The following HJV variants were observed in gnomAD, a reference collection of about 807,000 sequenced individuals.
HJV encodes hemojuvelin BMP co-receptor.
HJV carries 18 observed loss-of-function variants against 22.7 expected under a neutral mutation model. The observed-to-expected ratio is 0.79, with a 90% CI of 0.55 to 1.18. HJV has a LOEUF of 1.18. Among genes scored for constraint, HJV ranks in the 50% most tolerant of loss-of-function variants. The pLI, the probability that HJV is intolerant of heterozygous loss-of-function variation, is 0.00. For synonymous variants in HJV, 229 were observed against 222.7 expected, an observed-to-expected ratio of 1.03 and a Z score of -0.25; for missense variants, 572 against 553.0, an observed-to-expected ratio of 1.03 and a Z score of -0.34.
rs781810301 is a variant in HJV at position 146,018,487 on chromosome 1, C to A, written c.871G>T (p.Ala291Ser). Reference sequence around the variant, plus strand: ...TTGATGGAGAAGGAGAGCTGCCCAGCTGTCTGCCGAATGATTATAGTTGTG... The same window carrying A: ...TTGATGGAGAAGGAGAGCTGCCCAGATGTCTGCCGAATGATTATAGTTGTG... ...IGTTIIIRQT[A>S]GQLSFSIKVA... The change falls in exon 4 of 4, where the codon GCT becomes TCT. Residue 291 changes from alanine to serine, a missense_variant. Physicochemically the swap from Ala to Ser is moderately conservative, Grantham distance 99 (BLOSUM62 1). Transcript: ENST00000336751. 1.2e-6 allele frequency: 2 copies of A among 1,614,214 alleles called. No individual in the cohort carries two copies. Among genetic ancestry groups the A allele is most frequent in the Non-Finnish European group, 1.7e-6 (2 of 1,180,042 alleles).
At position 146,019,461 on chromosome 1, in the gene HJV, G is replaced by A. The variant is rs201013855; in HGVS notation, c.371C>T (p.Pro124Leu). 15 of 1,612,722 alleles carry A rather than the reference G, an allele frequency of 9.3e-6. No individual in the cohort carries two copies. The Admixed American group carries it at 1.2e-4, about 13-fold the overall frequency. ...MIQHNCSRQG[P>L]TAPPPPRGPA... ...GCCCCGGGGCGGGGGAGGGGCTGTA[G>A]GGCCCTGGCGGGAGCAGTTGTGCTG... The change falls in exon 3 of 4, where the codon CCT (proline) becomes CTT (leucine). Residue 124 changes from proline to leucine, a missense_variant. Transcript: ENST00000336751.
In HJV at chr1:146,018,222, G is replaced by T. The variant is rs782737856; in HGVS notation, c.1136C>A (p.Ala379Glu). Residue 379 changes from alanine (A) to glutamate (E), a missense_variant, in exon 4 of 4, where the codon GCA (alanine) becomes GAA (glutamate). Ala to Glu is a moderately radical substitution (Grantham distance 107). Transcript: ENST00000336751. Reference protein sequence around the residue: ...GDPNFTVAAQAALEDARAFLP... With the variant: ...GDPNFTVAAQEALEDARAFLP... Reference sequence around the variant, plus strand: ...GAAGGCTCGGGCATCCTCCAGTGCTGCCTGAGCTGCCACGGTAAAGTTGGG... The same window carrying T: ...GAAGGCTCGGGCATCCTCCAGTGCTTCCTGAGCTGCCACGGTAAAGTTGGG... 1 of 1,614,232 alleles carries T rather than the reference G, an allele frequency of 6.2e-7. No homozygotes were observed. Among genetic ancestry groups the T allele is most frequent in the Admixed American group, 1.7e-5 (1 of 60,026 alleles).
At position 146,020,270 on chromosome 1, in the gene HJV, A is replaced by G. The variant is rs782524154; in HGVS notation, c.-39T>C. ...GGTTTCCCAGGCGCCGGTTCTTCCCAGCTGATGACCCTCCTACCTAGTGAA... is the reference window on the plus strand; with the variant it reads ...GGTTTCCCAGGCGCCGGTTCTTCCCGGCTGATGACCCTCCTACCTAGTGAA... On this transcript the variant is annotated 5_prime_UTR_variant, in exon 2 of 4. Transcript: ENST00000336751. 25 of 1,300,754 alleles carry G rather than the reference A, an allele frequency of 1.9e-5. No homozygotes were observed. The South Asian group carries it at 3.0e-4, about 15-fold the overall frequency. 80.6% of individuals were successfully genotyped at this position (1,300,754 alleles called of 1,614,324 possible). A position where few individuals can be genotyped will look rare whatever the true frequency, so the allele number is the denominator to read the frequency against.
At position 146,018,425 on chromosome 1, in the gene HJV, T is replaced by C; in HGVS notation, c.933A>G (p.Glu311=). The change falls in exon 4 of 4, where the codon GAA becomes GAG. Residue 311 remains glutamate, a synonymous_variant. Transcript: ENST00000336751. The part of the protein sequence containing the change: ...AEDVAMAFSA[E]QDLQLCVGGC... ...CCCCAACACAGAGCTGCAGGTCCTGTTCAGCTGAGAAGGCCATGGCCACAT... is the reference window on the plus strand; with the variant it reads ...CCCCAACACAGAGCTGCAGGTCCTGCTCAGCTGAGAAGGCCATGGCCACAT... The C allele has an allele frequency of 2.5e-6, 4 of 1,614,142 alleles. No homozygotes were observed. Among genetic ancestry groups the C allele is most frequent in the Non-Finnish European group, 2.5e-6 (3 of 1,180,026 alleles).
Position 146,019,210 on chromosome 1 carries a change from T to C in HJV, c.622A>G (p.Met208Val), listed in dbSNP as rs782333103. The C allele has an allele frequency of 6.2e-7, 1 of 1,614,050 alleles. No homozygotes were observed. Among genetic ancestry groups the C allele is most frequent in the Middle Eastern group, 1.6e-4 (1 of 6,062 alleles). The change falls in exon 3 of 4, where the codon ATG (methionine) becomes GTG (valine). Residue 208 changes from methionine (M) to valine (V), a missense_variant. By Grantham distance (21) the Met-to-Val change is conservative (BLOSUM62 1). Transcript: ENST00000336751. ...FLFVQATSSP[M>V]ALGANATATR... ...GCGGTAGCGTTGGCCCCCAACGCCA[T>C]GGGGGAGCTGGTGGCTTGGACAAAG...
chr1:146,019,413 G>C lies in HJV; in HGVS notation c.419C>G (p.Ser140Cys). 6.2e-7 allele frequency: 1 copy of C among 1,612,686 alleles called. No homozygotes were observed. Among genetic ancestry groups the C allele is most frequent in the East Asian group, 2.2e-5 (1 of 44,868 alleles). ...ACAAGGGTCCGGGGCAGGGAGGCCG[G>C]AGCCCGCGCCTGGAAGGGCGGGGCC... is the stretch of plus-strand genomic sequence containing the variant. ...PRGPALPGAG[S>C]GLPAPDPCDY... Residue 140 changes from serine (S) to cysteine (C), a missense_variant, in exon 3 of 4, where the codon TCC becomes TGC. Transcript: ENST00000336751.
chr1:146,018,802 G>T, intron 3 of HJV, 102 bp from the exon 4 acceptor site: 1 of 1,192,444 alleles, frequency 8.4e-7, no homozygotes, highest in Non-Finnish European at 1.2e-6. Context: ...TAGAGATGCA[G>T]GACTACTATG....
At position 146,017,987 on chromosome 1, in the gene HJV, C is replaced by T; in HGVS notation, c.*90G>A. On this transcript the variant is annotated 3_prime_UTR_variant, in exon 4 of 4. Coordinates refer to ENST00000336751, the MANE Select transcript of HJV (RefSeq NM_213653.4). ...GTCATTGTTTCACGTGTCTCCTAGG[C>T]CCTGCTTCCTTTAATGATTCTTTAC... 1 of 1,405,250 alleles carries T rather than the reference C, an allele frequency of 7.1e-7. No individual in the cohort carries two copies. Among genetic ancestry groups the T allele is most frequent in the Non-Finnish European group, 1.0e-6 (1 of 994,606 alleles). 87.0% of individuals were successfully genotyped at this position (1,405,250 alleles called of 1,614,324 possible).
chr1:146,019,276 G>A lies in HJV; in HGVS notation c.556C>T (p.Arg186Cys), dbSNP rs1553769637. 1.2e-6 allele frequency: 2 copies of A among 1,613,938 alleles called. No homozygotes were observed. The highest frequency in any genetic ancestry group is 1.7e-6 in the Non-Finnish European group (2 of 1,180,030). Residue 186 changes from arginine to cysteine, a missense_variant, in exon 3 of 4, where the codon CGT (arginine) becomes TGT (cysteine). Transcript: ENST00000336751. ...AGTAGAGGCCAAGCTCCTTGGACACGGCATGTGTGAAAGTGATGGTGGAAG... is the reference window on the plus strand; with the variant it reads ...AGTAGAGGCCAAGCTCCTTGGACACAGCATGTGTGAAAGTGATGGTGGAAG... ...RSFHHHFHTCRVQGAWPLLDN... is the reference protein window; with the variant it reads ...RSFHHHFHTCCVQGAWPLLDN...
chr1:146,019,477 AGTTGT>A lies in HJV; in HGVS notation c.350_354del (p.His117LeufsTer31). On this transcript the variant is annotated frameshift_variant, in exon 3 of 4. Coordinates refer to ENST00000336751, the MANE Select transcript of HJV (RefSeq NM_213653.4). LOFTEE classifies it high-confidence loss of function. ...GGGGCTGTAGGGCCCTGGCGGGAGCAGTTGTGCTGGATCATCAGGTCTTCGATGCC... is the reference window on the plus strand; with the variant it reads ...GGGGCTGTAGGGCCCTGGCGGGAGCAGCTGGATCATCAGGTCTTCGATGCC... The A allele has an allele frequency of 6.2e-7, 1 of 1,612,844 alleles. No homozygotes were observed. The highest frequency in any genetic ancestry group is 8.5e-7 in the Non-Finnish European group (1 of 1,179,884).
At position 146,019,499 on chromosome 1, in the gene HJV, T is replaced by G. The variant is rs781924442; in HGVS notation, c.333A>C (p.Glu111Asp). ...AGCAGTTGTGCTGGATCATCAGGTC[T>G]TCGATGCCATGTACCGCCGAATGGA... ...LAFHSAVHGI[E>D]DLMIQHNCSR... The change falls in exon 3 of 4, where the codon GAA (glutamate) becomes GAC (aspartate). Residue 111 changes from glutamate to aspartate, a missense_variant. Physicochemically the swap from Glu to Asp is conservative, Grantham distance 45. Transcript: ENST00000336751. 1 of 1,612,914 alleles carries G rather than the reference T, an allele frequency of 6.2e-7. No individual in the cohort carries two copies. The highest frequency in any genetic ancestry group is 8.5e-7 in the Non-Finnish European group (1 of 1,179,886).
At position 146,017,898 on chromosome 1, in the gene HJV, C is replaced by T. The variant is rs1652428342; in HGVS notation, c.*179G>A. On this transcript the variant is annotated 3_prime_UTR_variant, in exon 4 of 4. Transcript: ENST00000336751. ...AGAGATCCGGAATGCAGTAACCTTGCCCAGAATCCTTATTCTGTGATAATT... is the reference window on the plus strand; with the variant it reads ...AGAGATCCGGAATGCAGTAACCTTGTCCAGAATCCTTATTCTGTGATAATT... 1.4e-6 allele frequency: 1 copy of T among 710,052 alleles called. No individual in the cohort carries two copies. The highest frequency in any genetic ancestry group is 2.9e-5 in the Admixed American group (1 of 34,736). 44.0% of individuals were successfully genotyped at this position (710,052 alleles called of 1,614,324 possible).
Position 146,019,257 on chromosome 1 carries a change from G to A in HJV, c.575C>T (p.Pro192Leu), listed in dbSNP as rs1553769633. 1 of 1,614,034 alleles carries A rather than the reference G, an allele frequency of 6.2e-7. No individual in the cohort carries two copies. Among genetic ancestry groups the A allele is most frequent in the Non-Finnish European group, 8.5e-7 (1 of 1,180,038 alleles). The stretch of plus-strand genomic sequence containing the variant: ...AAAGAGGAAGTCATTATCCAGTAGA[G>A]GCCAAGCTCCTTGGACACGGCATGT... ...FHTCRVQGAW[P>L]LLDNDFLFVQ... Residue 192 changes from proline to leucine, a missense_variant, in exon 3 of 4, where the codon CCT (proline) becomes CTT (leucine). Physicochemically the swap from Pro to Leu is moderately conservative, Grantham distance 98. Coordinates refer to ENST00000336751, the MANE Select transcript of HJV (RefSeq NM_213653.4).
intron 1 of HJV, among the ~76,000 whole-genome samples, chr1:146,021,352 G>A (rs1652725538): frequency 6.6e-6 from 1 of 152,082 alleles, no homozygotes; most frequent in African/African-American, 2.4e-5. Flanking sequence ...GAGGTAATAA[G>A]GTAAAGAGAG....
Position 146,020,197 on chromosome 1 carries a change from G to A in HJV, c.35C>T (p.Ser12Phe), listed in dbSNP as rs1553769893. The change falls in exon 2 of 4, where the codon TCC becomes TTC. Residue 12 changes from serine to phenylalanine, a missense_variant. Physicochemically the swap from Ser to Phe is radical, Grantham distance 155. Coordinates refer to ENST00000336751, the MANE Select transcript of HJV (RefSeq NM_213653.4). ...GEPGQSPSPR[S>F]SHGSPPTLST... ...TAGAGTTGGGGGACTGCCATGGGAG[G>A]ACCTGGGACTAGGGGACTGGCCTGG... 1.2e-6 allele frequency: 2 copies of A among 1,613,388 alleles called. No homozygotes were observed.
Position 146,019,293 on chromosome 1 carries a change from T to C in HJV, c.539A>G (p.His180Arg), listed in dbSNP as rs1395419937. 39 of 1,613,794 alleles carry C rather than the reference T, an allele frequency of 2.4e-5. No individual in the cohort carries two copies. Among genetic ancestry groups the C allele is most frequent in the Non-Finnish European group, 3.1e-5 (37 of 1,180,020 alleles). The change falls in exon 3 of 4, where the codon CAT becomes CGT. Residue 180 changes from histidine to arginine, a missense_variant. Transcript: ENST00000336751. ...FGDPHVRSFH[H>R]HFHTCRVQGA... ...TTGGACACGGCATGTGTGAAAGTGA[T>C]GGTGGAAGCTGCGCACATGGGGGTC...
rs863224819 is a variant in HJV at position 146,018,609 on chromosome 1, C to A, written c.749G>T (p.Gly250Val). ...VDNLPVAFED[G>V]SINGGDRPGG... is the part of the protein sequence containing the mutation. ...AGGTCGGTCACCTCCATTGATAGAA[C>A]CATCTTCAAAGGCTACAGGAAGATT... Residue 250 changes from glycine to valine, a missense_variant, in exon 4 of 4, where the codon GGT becomes GTT. Coordinates refer to ENST00000336751, the MANE Select transcript of HJV (RefSeq NM_213653.4). The A allele has an allele frequency of 6.2e-7, 1 of 1,614,078 alleles. No homozygotes were observed. Among genetic ancestry groups the A allele is most frequent in the East Asian group, 2.2e-5 (1 of 44,902 alleles).
At position 146,019,648 on chromosome 1, in the gene HJV, G is replaced by T. The variant is rs1553769780; in HGVS notation, c.184C>A (p.Leu62Ile). The change falls in exon 3 of 4, where the codon CTT becomes ATT. Residue 62 changes from leucine (L) to isoleucine (I), a missense_variant. Physicochemically the swap from Leu to Ile is conservative, Grantham distance 5. Transcript: ENST00000336751. ...SLRGGGSSGA[L>I]RGGGGGGRGG... ...CGGCCTCCTCCTCCTCCTCCTCGAAGTGCTCCTGATGAACCCCCACCTCTA... is the reference window on the plus strand; with the variant it reads ...CGGCCTCCTCCTCCTCCTCCTCGAATTGCTCCTGATGAACCCCCACCTCTA... The T allele has an allele frequency of 6.2e-7, 1 of 1,613,650 alleles. No homozygotes were observed. Among genetic ancestry groups the T allele is most frequent in the East Asian group, 2.2e-5 (1 of 44,842 alleles).
In HJV at chr1:146,019,218, C is replaced by G. The variant is rs200388465; in HGVS notation, c.614G>C (p.Ser205Thr). ...GTTGGCCCCCAACGCCATGGGGGAG[C>G]TGGTGGCTTGGACAAAGAGGAAGTC... is the stretch of plus-strand genomic sequence containing the variant. ...DNDFLFVQATSSPMALGANAT... is the reference protein window; with the variant it reads ...DNDFLFVQATTSPMALGANAT... Residue 205 changes from serine (S) to threonine (T), a missense_variant, in exon 3 of 4, where the codon AGC becomes ACC. Physicochemically the swap from Ser to Thr is moderately conservative, Grantham distance 58. Coordinates refer to ENST00000336751, the MANE Select transcript of HJV (RefSeq NM_213653.4). 24 of 1,613,994 alleles carry G rather than the reference C, an allele frequency of 1.5e-5. No individual in the cohort carries two copies. Among genetic ancestry groups the G allele is most frequent in the Non-Finnish European group, 1.7e-5 (20 of 1,180,034 alleles).
Sources: gnomAD v4.1 joint callset for allele counts (sites outside exome capture counted in the v4.1 genomes callset) on GRCh38, gnomAD v4.1.1 for gene constraint, MANE v1.5 for transcripts, NCBI Gene and HGNC (gene_info 2026-07-23, HGNC 2026-07-21) for gene names.